Variants in BIN2 observed in about 807,000 individuals in gnomAD.
BIN2 encodes the protein bridging integrator 2.
A neutral mutation model predicts 67.9 loss-of-function variants in BIN2; 43 were observed. That is an observed-to-expected ratio of 0.63 (90% CI 0.50 to 0.82). The LOEUF is 0.82. Ranked by LOEUF, BIN2 falls within the 40% of genes least tolerant of loss-of-function variation. The pLI is 0.00. For synonymous variants in BIN2, 244 were observed against 246.8 expected (o/e 0.99, Z 0.11); for missense variants, 581 against 671.6 (o/e 0.87, Z 1.49).
At chr12:51,318,824 T>C (rs978329977) in intron 1 of BIN2, among the ~76,000 whole-genome samples, 1 of 152,206 alleles carries the variant, frequency 6.6e-6, no homozygotes, top group African/African-American at 2.4e-5. Context: ...AGAGCTGCCC[T>C]ACAAAGAGCA....
rs1461678756 is a variant in BIN2 at position 51,281,551 on chromosome 12, T to C, written c.1669-23A>G. 3 of 1,613,778 alleles carry C rather than the reference T, an allele frequency of 1.9e-6. No homozygotes were observed. The African/African-American group carries it at 4.0e-5, about 22-fold the overall frequency. ...TACCTGGAAAGTAAACATGATTGTG[T>C]TAGGTGTTGACCTGCCTTCCCACCA... On this transcript the variant is annotated intron_variant, in intron 12 of 12. Coordinates refer to ENST00000615107, the MANE Select transcript of BIN2 (RefSeq NM_016293.4).
At chr12:51,320,954 A>AACACACACAC (rs59450014) in intron 1 of BIN2, among the ~76,000 whole-genome samples, 2 of 147,238 alleles carry the variant, frequency 1.4e-5, no homozygotes, top group East Asian at 2.0e-4. Flanking sequence ...CACACACACA[A>AACACACACAC]ACACACACAC....
intron 7 of BIN2, 114 bp downstream of exon 7, chr12:51,299,087 AAG>A (rs1491510167): frequency 4.8e-6 from 3 of 621,664 alleles, no homozygotes; most frequent in Admixed American, 3.3e-5. Flanking sequence ...AAAAAAAAAA[AAG>A]GGGGCGGGGC....
intron 10 of BIN2, among the ~76,000 whole-genome samples, chr12:51,291,143 C>T (rs563307350): frequency 2.8e-4 from 43 of 151,948 alleles, no homozygotes; most frequent in African/African-American, 9.9e-4. Flanking sequence ...AGCGAGACTC[C>T]ATCTCAAAAA....
chr12:51,292,477 A>G (rs1221353335), intron 9 of BIN2, 133 bp from the exon 10 acceptor site: 4 of 1,047,722 alleles, frequency 3.8e-6, no homozygotes, highest in Non-Finnish European at 5.3e-6. Context: ...ATAATTTACA[A>G]TAACACTTAT....
intron 2 of BIN2, among the ~76,000 whole-genome samples, chr12:51,312,883 C>G (rs1256386003): frequency 6.6e-6 from 1 of 152,018 alleles, no homozygotes; most frequent in East Asian, 1.9e-4. Flanking sequence ...GCTAATAACC[C>G]ATTAATATAA....
At chr12:51,313,200 A>AAGGC (rs1946038139) in intron 2 of BIN2, among the ~76,000 whole-genome samples, 1 of 142,158 alleles carries the variant, frequency 7.0e-6, no homozygotes. Flanking sequence ...GGAAGGAAGG[A>AAGGC]AGGAAGGAAG....
At chr12:51,283,123 C>T (rs919744536) in intron 12 of BIN2, among the ~76,000 whole-genome samples, 6 of 151,146 alleles carry the variant, frequency 4.0e-5, no homozygotes, top group Non-Finnish European at 5.9e-5. Context: ...GGCATGGTGG[C>T]GCCACCGCCT....
At chr12:51,322,023 CTTG>C in intron 1 of BIN2, among the ~76,000 whole-genome samples, 1 of 152,314 alleles carries the variant, frequency 6.6e-6, no homozygotes. Context: ...TTCAGAATAT[CTTG>C]TTTTCTTCAT....
chr12:51,324,334 AGGCCAGCTTCCGAGCTCC>A, upstream of BIN2: 7 of 1,330,928 alleles, frequency 5.3e-6, no homozygotes, highest in Non-Finnish European at 6.9e-6. Context: ...CGCTCGCTCG[AGGCCAGCTTCCGAGCTCC>A]AACCCCTGCC....
chr12:51,294,170 T>C (rs1268967391), intron 9 of BIN2, among the ~76,000 whole-genome samples: 1 of 152,160 alleles, frequency 6.6e-6, no homozygotes, highest in Non-Finnish European at 1.5e-5. Context: ...AGAGCTATTA[T>C]AACAACATGT....
intron 9 of BIN2, among the ~76,000 whole-genome samples, chr12:51,295,090 G>A (rs1945499623): frequency 1.3e-5 from 2 of 151,864 alleles, no homozygotes; most frequent in South Asian, 4.1e-4. Context: ...GCACCACCTT[G>A]CCCGGCTAAT....
intron 1 of BIN2, among the ~76,000 whole-genome samples, chr12:51,315,761 G>T (rs1199083450): frequency 6.6e-6 from 1 of 152,166 alleles, no homozygotes; most frequent in South Asian, 2.1e-4. Flanking sequence ...TGCTATCCAT[G>T]TCTATCACCT....
At chr12:51,316,820 G>T (rs1160403384) in intron 1 of BIN2, among the ~76,000 whole-genome samples, 1 of 152,088 alleles carries the variant, frequency 6.6e-6, no homozygotes, top group Non-Finnish European at 1.5e-5. Context: ...CCAAGTGCTT[G>T]CAACTTCTGT....
chr12:51,304,187 G>A (rs1333156575), intron 2 of BIN2: 2 of 152,352 alleles, frequency 1.3e-5, no homozygotes, highest in African/African-American at 2.4e-5. Flanking sequence ...GAAGACTGCA[G>A]TGAGCTGAGA....
At chr12:51,283,023 G>A (rs1175025224) in intron 12 of BIN2, among the ~76,000 whole-genome samples, 1 of 151,830 alleles carries the variant, frequency 6.6e-6, no homozygotes, top group Admixed American at 6.6e-5. Flanking sequence ...TTGGGAGGCT[G>A]AGGCGGGAGG....
intron 12 of BIN2, among the ~76,000 whole-genome samples, 169 bp from the exon 13 acceptor site, chr12:51,281,697 T>C (rs1044380892): frequency 6.6e-6 from 1 of 152,172 alleles, no homozygotes; most frequent in African/African-American, 2.4e-5. Context: ...CAAGGACTTG[T>C]TGCAGATATT....
chr12:51,290,308 G>A (rs183869120), intron 10 of BIN2, among the ~76,000 whole-genome samples: 27 of 151,088 alleles, frequency 1.8e-4, no homozygotes, highest in Admixed American at 4.6e-4. Flanking sequence ...TATTTTTAAT[G>A]GAGACAGGGT....
intron 9 of BIN2, among the ~76,000 whole-genome samples, chr12:51,293,435 G>A (rs923308138): frequency 5.9e-5 from 9 of 151,988 alleles, no homozygotes; most frequent in Non-Finnish European, 8.8e-5. Context: ...TCAGCCTCCC[G>A]AGTAGCTGGG....
Sources: gnomAD v4.1 joint callset for allele counts (sites outside exome capture counted in the v4.1 genomes callset) on GRCh38, gnomAD v4.1.1 for gene constraint, MANE v1.5 for transcripts, NCBI Gene and HGNC (gene_info 2026-07-23, HGNC 2026-07-21) for gene names.